GLRB: variants seen among roughly 807,000 people sequenced by gnomAD.
GLRB encodes the protein glycine receptor subunit beta.
A neutral mutation model predicts 54.2 loss-of-function variants in GLRB; 33 were observed. The ratio of observed to expected loss-of-function variants is 0.61; its 90% confidence interval spans 0.46 to 0.81. The LOEUF (loss-of-function observed/expected upper bound fraction) is 0.81. Among genes scored for constraint, GLRB ranks in the 40% least tolerant of loss-of-function variants. The pLI is 0.00. For missense variants in GLRB, 572 were observed against 584.6 expected (o/e 0.98, Z 0.22); for synonymous variants, 209 against 208.2 (o/e 1.00, Z -0.03).
intron 2 of GLRB, among the ~76,000 whole-genome samples, chr4:157,086,366 A>G (rs77703396): frequency 6.6e-6 from 1 of 152,206 alleles, no homozygotes; most frequent in Non-Finnish European, 1.5e-5. Context: ...TAATGCTTTG[A>G]TGTCTTGGAT....
At position 157,110,758 on chromosome 4, in the gene GLRB, C is replaced by T. The variant is rs563141493; in HGVS notation, c.123-9798C>T. The stretch of plus-strand genomic sequence containing the variant: ...CATCTCCCAGTTTCCACAGATTGAT[C>T]GTGTGCTAGAGAAGACCTTCACCAT... On this transcript the variant is annotated intron_variant, in intron 2 of 9. Coordinates refer to ENST00000264428, the MANE Select transcript of GLRB (RefSeq NM_000824.5). 3.8e-3 allele frequency among the ~76,000 whole-genome samples: 576 copies of T among 152,088 alleles called. 2 individuals carry two copies. The highest frequency in any genetic ancestry group is 0.013 in the African/African-American group (548 of 41,512).
At chr4:157,151,839 G>T (rs1737032897) in intron 8 of GLRB, among the ~76,000 whole-genome samples, 1 of 152,144 alleles carries the variant, frequency 6.6e-6, no homozygotes, top group Admixed American at 6.6e-5. Flanking sequence ...TGGACTCACA[G>T]AGCCAAGTCA....
intron 4 of GLRB, among the ~76,000 whole-genome samples, chr4:157,133,460 G>A (rs1359204731): frequency 6.6e-6 from 1 of 151,862 alleles, no homozygotes; most frequent in African/African-American, 2.4e-5. Context: ...AAAATTAGAT[G>A]TCCATTGTGA....
At chr4:157,119,135 C>T (rs931088770) in intron 2 of GLRB, among the ~76,000 whole-genome samples, 6 of 151,560 alleles carry the variant, frequency 4.0e-5, no homozygotes, top group African/African-American at 1.5e-4. Flanking sequence ...TGCAGATTTT[C>T]CTCTTCTTAA....
At chr4:157,170,298 TTC>T (rs1489418515) in intron 9 of GLRB, 132 bp from the exon 10 acceptor site, 1 of 630,118 alleles carries the variant, frequency 1.6e-6, no homozygotes, top group Non-Finnish European at 2.8e-6. Context: ...CAGATAACCA[TTC>T]TCTCTGTTAG....
intron 6 of GLRB, among the ~76,000 whole-genome samples, chr4:157,137,744 A>T (rs914081147): frequency 6.6e-6 from 1 of 152,176 alleles, no homozygotes; most frequent in African/African-American, 2.4e-5. Context: ...ATGTTTGCAC[A>T]TGTCTGTTTA....
In GLRB at chr4:157,122,311, T is replaced by A; in HGVS notation, c.230-19T>A. ...AGTTTTTTACAGCTAATAAATATAT[T>A]CTTAATTTTTATTCATAGGCATTCC... On this transcript the variant is annotated intron_variant, in intron 3 of 9. Transcript: ENST00000264428. The A allele has an allele frequency of 3.0e-6, 3 of 999,752 alleles. No individual in the cohort carries two copies. Among genetic ancestry groups the A allele is most frequent in the Non-Finnish European group, 4.7e-6 (3 of 640,538 alleles). 61.9% of individuals were successfully genotyped at this position (999,752 alleles called of 1,614,324 possible).
intron 7 of GLRB, among the ~76,000 whole-genome samples, chr4:157,140,056 G>A (rs1441051370): frequency 6.6e-6 from 1 of 151,968 alleles, no homozygotes; most frequent in Admixed American, 6.6e-5. Flanking sequence ...AACATCTATT[G>A]TTGACTTCAA....
At chr4:157,153,321 A>T (rs572534723) in intron 9 of GLRB, among the ~76,000 whole-genome samples, 5 of 152,164 alleles carry the variant, frequency 3.3e-5, no homozygotes, top group Non-Finnish European at 7.4e-5. Context: ...ACCTTGCTGG[A>T]TGGAGCACAG....
At chr4:157,091,806 T>C (rs567570662) in intron 2 of GLRB, among the ~76,000 whole-genome samples, 132 of 152,336 alleles carry the variant, frequency 8.7e-4, no homozygotes, top group African/African-American at 3.1e-3. Context: ...CTGGGCAGCC[T>C]GATCTCTTCG....
chr4:157,140,151 C>T (rs888334285), intron 7 of GLRB, among the ~76,000 whole-genome samples: 8 of 151,470 alleles, frequency 5.3e-5, no homozygotes, highest in Middle Eastern at 3.2e-3. Flanking sequence ...AGATAATAGT[C>T]GAATATATTG....
At chr4:157,132,359 C>T (rs937164826) in intron 4 of GLRB, among the ~76,000 whole-genome samples, 2 of 151,724 alleles carry the variant, frequency 1.3e-5, no homozygotes, top group African/African-American at 4.8e-5. Flanking sequence ...ATTATTTGGG[C>T]CATTTTCTCT....
intron 4 of GLRB, among the ~76,000 whole-genome samples, chr4:157,134,686 C>G (rs933693210): frequency 6.6e-6 from 1 of 152,064 alleles, no homozygotes; most frequent in Non-Finnish European, 1.5e-5. Context: ...CTGAAATGCT[C>G]TTGTCAAGAA....
At chr4:157,158,447 G>C (rs1737326299) in intron 9 of GLRB, among the ~76,000 whole-genome samples, 1 of 152,138 alleles carries the variant, frequency 6.6e-6, no homozygotes, top group African/African-American at 2.4e-5. Context: ...TTTTCTTCTA[G>C]AGTTTTTATG....
chr4:157,126,134 A>T (rs1168873953), intron 4 of GLRB, among the ~76,000 whole-genome samples: 1 of 151,926 alleles, frequency 6.6e-6, no homozygotes, highest in African/African-American at 2.4e-5. Context: ...AATGTTGATT[A>T]TCAAACAAGG....
At chr4:157,117,195 A>G (rs1426581614) in intron 2 of GLRB, among the ~76,000 whole-genome samples, 1 of 151,846 alleles carries the variant, frequency 6.6e-6, no homozygotes, top group East Asian at 2.0e-4. Context: ...CCCTAAAGCA[A>G]TATGTGTATG....
chr4:157,112,718 G>A (rs1436322025), intron 2 of GLRB, among the ~76,000 whole-genome samples: 1 of 151,798 alleles, frequency 6.6e-6, no homozygotes, highest in Non-Finnish European at 1.5e-5. Flanking sequence ...TAGTAGAAAG[G>A]GACCCAGCCA....
chr4:157,132,482 A>G (rs1479481911), intron 4 of GLRB, among the ~76,000 whole-genome samples: 1 of 151,658 alleles, frequency 6.6e-6, no homozygotes, highest in Non-Finnish European at 1.5e-5. Context: ...CCCACATGTC[A>G]CCCACCACCT....
At chr4:157,131,719 T>C (rs1297678341) in intron 4 of GLRB, among the ~76,000 whole-genome samples, 1 of 151,838 alleles carries the variant, frequency 6.6e-6, no homozygotes, top group Non-Finnish European at 1.5e-5. Context: ...CTTAATGATA[T>C]GCATTTAATG....
Sources: allele counts gnomAD v4.1 joint callset (sites outside exome capture counted in the v4.1 genomes callset), GRCh38; gene constraint gnomAD v4.1.1; transcripts MANE v1.5; gene names NCBI Gene and HGNC (gene_info 2026-07-23, HGNC 2026-07-21).